Variants in SMCO2 observed in about 807,000 individuals in gnomAD.
The protein encoded by SMCO2 is single-pass membrane protein with coiled-coil domains 2, also known as single-pass membrane and coiled-coil domain-containing protein 2.
SMCO2 carries 25 observed loss-of-function variants against 29.5 expected under a neutral mutation model. The ratio of observed to expected loss-of-function variants is 0.85; its 90% CI spans 0.62 to 1.18. The LOEUF (loss-of-function observed/expected upper bound fraction) is 1.18, where lower values mean the gene tolerates loss of function less well. Ranked by LOEUF, SMCO2 falls within the 50% of genes most tolerant of loss-of-function variation. The pLI, the probability that SMCO2 is intolerant of heterozygous loss-of-function variation, is 0.00. For synonymous variants in SMCO2, 117 were observed against 123.3 expected, an observed-to-expected ratio of 0.95 and a Z score of 0.34; for missense variants, 348 against 344.5, an observed-to-expected ratio of 1.01 and a Z score of -0.08.
intron 7 of SMCO2, 114 bp from the exon 9 acceptor site, chr12:27,501,809 C>A: frequency 5.3e-6 from 4 of 754,506 alleles, no homozygotes; most frequent in Non-Finnish European, 6.0e-6. Flanking sequence ...AAACTGAAGT[C>A]AAGAGAAAAT....
intron 5 of SMCO2, 81 bp downstream of exon 6, chr12:27,488,628 G>A (rs1949709277): frequency 1.9e-6 from 2 of 1,031,682 alleles, no homozygotes; most frequent in South Asian, 2.4e-5. Context: ...TTGTTAATAG[G>A]CAATAACAAG....
chr12:27,435,741 C>T, the SMCO2 span, among the ~76,000 whole-genome samples: 3 of 152,052 alleles, frequency 2.0e-5, no homozygotes, highest in African/African-American at 7.2e-5. Flanking sequence ...GTTCAGCTCT[C>T]TGGTGACCCC....
In SMCO2 at chr12:27,475,734, A is replaced by C; in HGVS notation, c.362+821A>C. The C allele has an allele frequency of 3.2e-6, 5 of 1,541,874 alleles. No homozygotes were observed. The highest frequency in any genetic ancestry group is 4.4e-6 in the Non-Finnish European group (5 of 1,143,360). ...GTAACAGAAAACACAGTGAAGAGGT[A>C]ATTGTAGGGTGTTGGGGTTGGTCAT... On this transcript the variant is annotated intron_variant, in intron 4 of 7. Coordinates refer to ENST00000298876, the Ensembl canonical transcript of SMCO2.
At chr12:27,469,252 C>A (rs1045340505) in intron 1 of SMCO2, among the ~76,000 whole-genome samples, 3 of 152,102 alleles carry the variant, frequency 2.0e-5, no homozygotes, top group Admixed American at 6.6e-5. Context: ...GCAATAGTGA[C>A]CTTCCTGAGG....
At chr12:27,435,699 T>C in the SMCO2 span, among the ~76,000 whole-genome samples, 1 of 152,112 alleles carries the variant, frequency 6.6e-6, no homozygotes, top group African/African-American at 2.4e-5. Context: ...TCTTTGGCTC[T>C]AGTGACTCCA....
At chr12:27,448,288 A>T in the SMCO2 span, among the ~76,000 whole-genome samples, 2 of 152,140 alleles carry the variant, frequency 1.3e-5, no homozygotes, top group African/African-American at 4.8e-5. Flanking sequence ...GACATAATAG[A>T]TGTAAACCCA....
intron 1 of SMCO2, among the ~76,000 whole-genome samples, chr12:27,467,257 A>G (rs1330316648): frequency 6.6e-6 from 1 of 152,090 alleles, no homozygotes; most frequent in Non-Finnish European, 1.5e-5. Flanking sequence ...TTTTTATAGG[A>G]TATGGGGGAA....
upstream of SMCO2, chr12:27,466,693 A>C (rs1436998651): frequency 6.6e-6 from 1 of 152,606 alleles, no homozygotes; most frequent in Non-Finnish European, 1.5e-5. Flanking sequence ...GACAGGCTAG[A>C]AGGGCAAGGT....
intron 4 of SMCO2, among the ~76,000 whole-genome samples, chr12:27,484,119 G>A (rs1386358689): frequency 6.6e-6 from 1 of 152,148 alleles, no homozygotes; most frequent in African/African-American, 2.4e-5. Flanking sequence ...GGCCAGGCAT[G>A]GTGGCTCACA....
At chr12:27,490,793 A>G (rs1318703780) in intron 5 of SMCO2, among the ~76,000 whole-genome samples, 1 of 152,042 alleles carries the variant, frequency 6.6e-6, no homozygotes, top group Non-Finnish European at 1.5e-5. Context: ...TTAGCCAGGC[A>G]TGGTGGTGCA....
chr12:27,477,634 C>CTTTTTTTTTTTTTTTTTTTTTTTTTTTTT (rs3051833), intron 4 of SMCO2, among the ~76,000 whole-genome samples: 3 of 109,652 alleles, frequency 2.7e-5, no homozygotes, highest in African/African-American at 7.6e-5. Context: ...CTTTTTCATT[C>CTTTTTTTTTTTTTTTTTTTTTTTTTTTTT]TTTTTTTTTT....
intron 4 of SMCO2, among the ~76,000 whole-genome samples, chr12:27,486,270 TG>T (rs1275548143): frequency 6.6e-6 from 1 of 152,218 alleles, no homozygotes; most frequent in East Asian, 1.9e-4. Flanking sequence ...GGCACTCTGC[TG>T]GGCAAATCTA....
At chr12:27,489,987 A>G (rs897263718) in intron 5 of SMCO2, among the ~76,000 whole-genome samples, 2 of 152,222 alleles carry the variant, frequency 1.3e-5, no homozygotes, top group Admixed American at 6.5e-5. Context: ...AGTTTGGAAT[A>G]ATATGCAAGA....
chr12:27,430,676 A>G, the SMCO2 span, among the ~76,000 whole-genome samples: 1 of 152,236 alleles, frequency 6.6e-6, no homozygotes, highest in Non-Finnish European at 1.5e-5. Context: ...TAAGAATAAA[A>G]TCGAACCTTT....
At chr12:27,448,034 C>G in the SMCO2 span, among the ~76,000 whole-genome samples, 1 of 152,158 alleles carries the variant, frequency 6.6e-6, no homozygotes, top group Non-Finnish European at 1.5e-5. Context: ...CTTGCATTCT[C>G]CACTCCAGCA....
chr12:27,426,917 G>A, the SMCO2 span, among the ~76,000 whole-genome samples: 16 of 152,110 alleles, frequency 1.1e-4, no homozygotes, highest in African/African-American at 3.9e-4. Context: ...AAGTTGAAAT[G>A]GTTCCTAATA....
the SMCO2 span, among the ~76,000 whole-genome samples, chr12:27,458,732 C>T: frequency 5.3e-5 from 8 of 151,484 alleles, no homozygotes; most frequent in African/African-American, 1.9e-4. Context: ...ACTAAAAATA[C>T]AAAAATTAGC....
At chr12:27,485,666 C>G (rs1171698736) in intron 4 of SMCO2, among the ~76,000 whole-genome samples, 1 of 152,012 alleles carries the variant, frequency 6.6e-6, no homozygotes, top group South Asian at 2.1e-4. Context: ...GGGCTGGTCT[C>G]GAACTCCTGA....
At chr12:27,477,145 C>A (rs1445667862) in intron 4 of SMCO2, among the ~76,000 whole-genome samples, 1 of 147,804 alleles carries the variant, frequency 6.8e-6, no homozygotes, top group Non-Finnish European at 1.5e-5. Flanking sequence ...GGTCTGGGAA[C>A]AACTTTATTT....
Sources: gnomAD v4.1 joint callset for allele counts (sites outside exome capture counted in the v4.1 genomes callset) on GRCh38, gnomAD v4.1.1 for gene constraint, MANE v1.5 for transcripts, NCBI Gene and HGNC (gene_info 2026-07-23, HGNC 2026-07-21) for gene names.